PRELP: variants seen among roughly 807,000 people sequenced by gnomAD.
PRELP encodes the protein prolargin.
Under a neutral mutation model 22.8 loss-of-function variants are expected in PRELP, and 16 were observed. The ratio of observed to expected loss-of-function variants is 0.70; its 90% CI spans 0.47 to 1.06. The LOEUF is 1.06. Among genes scored for constraint, PRELP ranks in the 50% least tolerant of loss-of-function variants. PRELP has a pLI of 0.00. For synonymous variants in PRELP, 233 were observed against 211.4 expected (o/e 1.10, Z -0.89); for missense variants, 434 against 485.2 (o/e 0.89, Z 0.99).
In PRELP at chr1:203,483,068, C is replaced by G. The variant is rs1177067099; in HGVS notation, c.-16-101C>G. On this transcript the variant is annotated intron_variant, in intron 1 of 2. Transcript: ENST00000343110. This position sits in a 1 kb window ranked among gnomAD's most constrained non-coding sequence, Gnocchi z 4.4. Reference sequence around the variant, plus strand: ...CCACAGCTCCCTGAGCTCTGCCCATCTTCCCTAGAGCTCTAGTTCTGCCCA... The same window carrying G: ...CCACAGCTCCCTGAGCTCTGCCCATGTTCCCTAGAGCTCTAGTTCTGCCCA... The G allele has an allele frequency of 1.0e-6, 1 of 967,338 alleles. No homozygotes were observed. Among genetic ancestry groups the G allele is most frequent in the Non-Finnish European group, 1.6e-6 (1 of 643,848 alleles). 59.9% of individuals were successfully genotyped at this position (967,338 alleles called of 1,614,324 possible).
rs1661143304 is a variant in PRELP at position 203,488,870 on chromosome 1, A to G, written c.*1989A>G. 6.6e-6 allele frequency: 1 copy of G among 152,244 alleles called. No individual in the cohort carries two copies. The highest frequency in any genetic ancestry group is 2.4e-5 in the African/African-American group (1 of 41,470). 9.4% of individuals were successfully genotyped at this position (152,244 alleles called of 1,614,324 possible). ...ATAGAGGATGGATGTTCTAGAAATG[A>G]GTAAGACACAGTGCCCACCCCCAAG... On this transcript the variant is annotated 3_prime_UTR_variant, in exon 3 of 3. Coordinates refer to ENST00000343110, the MANE Select transcript of PRELP (RefSeq NM_002725.4).
intron 2 of PRELP, among the ~76,000 whole-genome samples, chr1:203,484,888 A>G (rs1661067305): frequency 6.6e-6 from 1 of 152,260 alleles, no homozygotes; most frequent in African/African-American, 2.4e-5. Context: ...AGCTCGGAGC[A>G]GAGCATTAGC....
rs1188730663 is a variant in PRELP at position 203,483,692 on chromosome 1, C to T, written c.508C>T (p.Pro170Ser). 1 of 1,614,210 alleles carries T rather than the reference C, an allele frequency of 6.2e-7. No individual in the cohort carries two copies. The highest frequency in any genetic ancestry group is 8.5e-7 in the Non-Finnish European group (1 of 1,180,044). Reference protein sequence around the residue: ...NQLEEVPSALPRNLEQLRLSQ... With the variant: ...NQLEEVPSALSRNLEQLRLSQ... ...GTTGGAAGAGGTCCCCTCGGCCCTG[C>T]CCCGGAACCTGGAGCAGCTGAGGCT... The change falls in exon 2 of 3, where the codon CCC (proline) becomes TCC (serine). Residue 170 changes from proline (P) to serine (S), a missense_variant. Transcript: ENST00000343110. This position sits in a 1 kb window ranked among gnomAD's most constrained non-coding sequence, Gnocchi z 4.4.
rs566268127 is a variant in PRELP at position 203,487,896 on chromosome 1, T to C, written c.*1015T>C. 6.6e-6 allele frequency: 1 copy of C among 152,294 alleles called. No homozygotes were observed. The highest frequency in any genetic ancestry group is 2.4e-5 in the African/African-American group (1 of 41,556). The allele number at this position is 152,294 out of a possible 1,614,324, so 9.4% of individuals were successfully genotyped here. A position where few individuals can be genotyped will look rare whatever the true frequency, so the allele number is the denominator to read the frequency against. On this transcript the variant is annotated 3_prime_UTR_variant, in exon 3 of 3. Transcript: ENST00000343110. ...CGTCTCCCAGAAGCCCCTCCACGTTTGAAAATGCGCCTCCTCCTCGGAGAC... is the reference window on the plus strand; with the variant it reads ...CGTCTCCCAGAAGCCCCTCCACGTTCGAAAATGCGCCTCCTCCTCGGAGAC...
At chr1:203,476,642 T>C (rs1043841706) in intron 1 of PRELP, among the ~76,000 whole-genome samples, 6 of 152,134 alleles carry the variant, frequency 3.9e-5, no homozygotes, top group African/African-American at 1.4e-4. Flanking sequence ...TGGAAGGGTT[T>C]CTTCATTATT....
intron 2 of PRELP, 130 bp downstream of exon 2, chr1:203,484,287 T>A: frequency 1.5e-6 from 2 of 1,369,780 alleles, no homozygotes; most frequent in Non-Finnish European, 1.9e-6. Context: ...CTTCAATTCA[T>A]GGCCTTGCCA....
intron 1 of PRELP, among the ~76,000 whole-genome samples, chr1:203,477,567 C>G (rs908094839): frequency 6.6e-6 from 1 of 152,120 alleles, no homozygotes; most frequent in African/African-American, 2.4e-5. Flanking sequence ...GGGCCCTTCC[C>G]CTGACCCTTA....
intron 2 of PRELP, among the ~76,000 whole-genome samples, chr1:203,485,530 C>CA (rs1661078558): frequency 6.6e-6 from 1 of 152,168 alleles, no homozygotes; most frequent in South Asian, 2.1e-4. Flanking sequence ...AAACAGCTTA[C>CA]AAAATGCCTT....
chr1:203,486,879 T>C lies in PRELP; in HGVS notation c.1147T>C (p.Ter383GlnextTer13). 1 of 1,612,298 alleles carries C rather than the reference T, an allele frequency of 6.2e-7. No homozygotes were observed. Among genetic ancestry groups the C allele is most frequent in the Non-Finnish European group, 8.5e-7 (1 of 1,178,812 alleles). Reference protein sequence around the residue: ...CFRLLQSVVI* With the variant: ...CFRLLQSVVIQ ...CCGCCTCCTGCAGTCCGTGGTCATCTAGGCCCTACTCCGCCACCGGATCTG... is the reference window on the plus strand; with the variant it reads ...CCGCCTCCTGCAGTCCGTGGTCATCCAGGCCCTACTCCGCCACCGGATCTG... Residue 383 changes from the stop codon to glutamine (Q), a stop_lost, in exon 3 of 3, where the codon TAG becomes CAG. Coordinates refer to ENST00000343110, the MANE Select transcript of PRELP (RefSeq NM_002725.4).
chr1:203,476,832 A>AT (rs536942629), intron 1 of PRELP, among the ~76,000 whole-genome samples: 174 of 150,882 alleles, frequency 1.2e-3, no homozygotes, highest in African/African-American at 4.1e-3. Flanking sequence ...GGGACAGTTC[A>AT]TTTTTTTATT....
At position 203,483,829 on chromosome 1, in the gene PRELP, C is replaced by T. The variant is rs149672468; in HGVS notation, c.645C>T (p.Asp215=). 6.9e-4 allele frequency: 1,116 copies of T among 1,614,168 alleles called. 18 individuals carry two copies. The African/African-American group carries it at 0.013, about 19-fold the overall frequency. Residue 215 remains aspartate, a synonymous_variant, in exon 2 of 3, where the codon GAC becomes GAT. Transcript: ENST00000343110. The surrounding 1 kb of genome is among the most constrained non-coding windows in gnomAD (Gnocchi z 4.4). ...TGAGCGACGGCGTCTTCAAGCCCGA[C>T]ACCTTCCATGGCCTCAAGAACCTCA... ...NRLSDGVFKP[D]TFHGLKNLMQ...
chr1:203,484,239 G>T lies in PRELP; in HGVS notation c.973+82G>T, dbSNP rs911714337. 5 of 1,523,100 alleles carry T rather than the reference G, an allele frequency of 3.3e-6. No individual in the cohort carries two copies. In the African/African-American group the frequency reaches 4.1e-5, roughly 13 times the overall value. The allele number at this position is 1,523,100 out of a possible 1,614,324, so 94.3% of individuals were successfully genotyped here. A position where few individuals can be genotyped will look rare whatever the true frequency, so the allele number is the denominator to read the frequency against. Reference sequence around the variant, plus strand: ...TTCCACCCTCTCTAGGGAGACTCAGGGTGGGGTGGTATAAAAAGCATCCAC... The same window carrying T: ...TTCCACCCTCTCTAGGGAGACTCAGTGTGGGGTGGTATAAAAAGCATCCAC... On this transcript the variant is annotated intron_variant, in intron 2 of 2. Coordinates refer to ENST00000343110, the MANE Select transcript of PRELP (RefSeq NM_002725.4).
chr1:203,485,956 C>G (rs1208749671), intron 2 of PRELP, among the ~76,000 whole-genome samples: 1 of 152,188 alleles, frequency 6.6e-6, no homozygotes, highest in Non-Finnish European at 1.5e-5. Context: ...CTTTCCTCTT[C>G]CTGTCATCCT....
At position 203,490,630 on chromosome 1, in the gene PRELP, G is replaced by A. The variant is rs1174827688; in HGVS notation, c.*3749G>A. ...CCAAGTCATCTGGAATGGTCTACAT[G>A]CCATGCGGAAGTCCACCGAAGGGTT... is the stretch of plus-strand genomic sequence containing the variant. On this transcript the variant is annotated 3_prime_UTR_variant, in exon 3 of 3. Coordinates refer to ENST00000343110, the MANE Select transcript of PRELP (RefSeq NM_002725.4). 1 of 152,234 alleles carries A rather than the reference G, an allele frequency of 6.6e-6. No homozygotes were observed. Among genetic ancestry groups the A allele is most frequent in the African/African-American group, 2.4e-5 (1 of 41,446 alleles). 9.4% of individuals were successfully genotyped at this position (152,234 alleles called of 1,614,324 possible). A position where few individuals can be genotyped will look rare whatever the true frequency, so the allele number is the denominator to read the frequency against.
chr1:203,490,995 C>T lies in PRELP; in HGVS notation c.*4114C>T, dbSNP rs920481433. 1 of 152,468 alleles carries T rather than the reference C, an allele frequency of 6.6e-6. No homozygotes were observed. The highest frequency in any genetic ancestry group is 1.9e-4 in the East Asian group (1 of 5,206). 9.4% of individuals were successfully genotyped at this position (152,468 alleles called of 1,614,324 possible). A position where few individuals can be genotyped will look rare whatever the true frequency, so the allele number is the denominator to read the frequency against. On this transcript the variant is annotated 3_prime_UTR_variant, in exon 3 of 3. Transcript: ENST00000343110. ...TAATGCTGTGTGTCAGGCCTCTGAG[C>T]CCAAGCTAAGCCATCATATCCCCTG...
chr1:203,486,622 T>C, intron 2 of PRELP, 84 bp from the exon 3 acceptor site: 6 of 1,354,842 alleles, frequency 4.4e-6, no homozygotes, highest in East Asian at 2.3e-5. Context: ...CAGTCCTTGC[T>C]CTCGGGTGTC....
At chr1:203,479,117 G>C (rs889270021) in intron 1 of PRELP, among the ~76,000 whole-genome samples, 3 of 152,114 alleles carry the variant, frequency 2.0e-5, no homozygotes, top group Non-Finnish European at 4.4e-5. Context: ...GGAGGCTTAG[G>C]GGTGACCAAT....
intron 1 of PRELP, among the ~76,000 whole-genome samples, chr1:203,477,273 T>C (rs562837457): frequency 6.6e-6 from 1 of 152,022 alleles, no homozygotes. Flanking sequence ...GAGAGAGAGC[T>C]TTGCTGTAAT....
In PRELP at chr1:203,489,705, C is replaced by T. The variant is rs1033787895; in HGVS notation, c.*2824C>T. Reference sequence around the variant, plus strand: ...GGCGTGGTGGATCACGCCTGTAATCCCAGCACTCTGGGAGGCCAAAGCGGG... The same window carrying T: ...GGCGTGGTGGATCACGCCTGTAATCTCAGCACTCTGGGAGGCCAAAGCGGG... On this transcript the variant is annotated 3_prime_UTR_variant, in exon 3 of 3. Transcript: ENST00000343110. 9 of 152,264 alleles carry T rather than the reference C, an allele frequency of 5.9e-5. No individual in the cohort carries two copies. The highest frequency in any genetic ancestry group is 1.3e-4 in the Non-Finnish European group (9 of 68,064). 9.4% of individuals were successfully genotyped at this position (152,264 alleles called of 1,614,324 possible).
Sources: gnomAD v4.1 joint callset for allele counts (sites outside exome capture counted in the v4.1 genomes callset) on GRCh38, gnomAD v4.1.1 for gene constraint, Gnocchi (gnomAD v3.1) non-coding constraint, MANE v1.5 for transcripts, NCBI Gene and HGNC (gene_info 2026-07-23, HGNC 2026-07-21) for gene names.